The following CFAP221 variants were observed in gnomAD, a reference collection of about 807,000 sequenced individuals.
CFAP221 encodes cilia- and flagella-associated protein 221.
In CFAP221, 97 loss-of-function variants were observed where a neutral mutation model predicts 113.1. The ratio of observed to expected loss-of-function variants is 0.86; its 90% CI spans 0.73 to 1.02. CFAP221 has a LOEUF of 1.02. CFAP221 is among the 50% of genes least tolerant of loss of function. The pLI, the probability that CFAP221 is intolerant of heterozygous loss-of-function variation, is 0.00. For synonymous variants in CFAP221, 331 were observed against 354.4 expected (o/e 0.93, Z 0.74); for missense variants, 1,025 against 1,013.4 (o/e 1.01, Z -0.16).
intron 7 of CFAP221, among the ~76,000 whole-genome samples, chr2:119,595,689 T>A (rs1038773425): frequency 6.6e-6 from 1 of 152,132 alleles, no homozygotes; most frequent in Non-Finnish European, 1.5e-5. Context: ...GGAGCAGAGA[T>A]GCCAGTCGGG....
intron 6 of CFAP221, chr2:119,572,623 A>G (rs2104574025): frequency 1.4e-6 from 1 of 694,100 alleles, no homozygotes; most frequent in East Asian, 2.7e-5. Flanking sequence ...CTCTCCCATC[A>G]ACTCATTTTC....
intron 14 of CFAP221, among the ~76,000 whole-genome samples, chr2:119,623,049 A>G (rs929819197): frequency 1.3e-5 from 2 of 152,248 alleles, no homozygotes; most frequent in Non-Finnish European, 2.9e-5. Context: ...AATAAAGGGT[A>G]TTCAAATAGG....
At chr2:119,572,917 G>A (rs1319108386) in intron 6 of CFAP221, 3 of 273,540 alleles carry the variant, frequency 1.1e-5, no homozygotes, top group Non-Finnish European at 2.0e-5. Context: ...GGATACTTTA[G>A]CTTCTTGAAC....
At position 119,601,500 on chromosome 2, in the gene CFAP221, G is replaced by A. The variant is rs1574100087; in HGVS notation, c.791+123G>A. ...ATCAAAAACTTATTTAAAATGATGA[G>A]CCAACATAAGATATACTGTAAAACA... On this transcript the variant is annotated intron_variant, in intron 8 of 23. Transcript: ENST00000413369. 6 of 906,912 alleles carry A rather than the reference G, an allele frequency of 6.6e-6. No individual in the cohort carries two copies. In the East Asian group the frequency reaches 1.4e-4, roughly 21 times the overall value. The allele number at this position is 906,912 out of a possible 1,614,324, so 56.2% of individuals were successfully genotyped here. A position where few individuals can be genotyped will look rare whatever the true frequency, so the allele number is the denominator to read the frequency against.
At chr2:119,594,580 C>T (rs533264484) in intron 7 of CFAP221, among the ~76,000 whole-genome samples, 11 of 152,210 alleles carry the variant, frequency 7.2e-5, no homozygotes, top group African/African-American at 2.6e-4. Context: ...CTTTCTGTTC[C>T]TCTCCTCCTT....
At chr2:119,638,035 C>T (rs954280206) in intron 19 of CFAP221, 11 of 361,702 alleles carry the variant, frequency 3.0e-5, no homozygotes, top group Non-Finnish European at 4.9e-5. Context: ...TGTAATGAAG[C>T]TCTTAAGCCA....
chr2:119,572,308 C>A (rs1682116369), intron 6 of CFAP221, among the ~76,000 whole-genome samples: 1 of 152,198 alleles, frequency 6.6e-6, no homozygotes, highest in African/African-American at 2.4e-5. Flanking sequence ...ACTTTCAGTT[C>A]TCTTTCCCTT....
At chr2:119,586,230 A>G (rs961734920) in intron 6 of CFAP221, among the ~76,000 whole-genome samples, 21 of 152,292 alleles carry the variant, frequency 1.4e-4, no homozygotes, top group African/African-American at 4.3e-4. Flanking sequence ...TGGCTGGGTC[A>G]CTTGAAAGGA....
intron 14 of CFAP221, among the ~76,000 whole-genome samples, chr2:119,623,668 A>G (rs1686096518): frequency 6.6e-6 from 1 of 152,210 alleles, no homozygotes; most frequent in Non-Finnish European, 1.5e-5. Flanking sequence ...ACCAAAACAC[A>G]TATATAAACC....
intron 11 of CFAP221, among the ~76,000 whole-genome samples, chr2:119,607,473 G>C (rs908926193): frequency 2.0e-5 from 3 of 152,100 alleles, no homozygotes. Context: ...GATATGTGCT[G>C]GGTTTCGTGA....
chr2:119,592,799 C>G (rs1232187210), intron 7 of CFAP221, among the ~76,000 whole-genome samples: 7 of 152,206 alleles, frequency 4.6e-5, no homozygotes. Context: ...ACTTAGTAGA[C>G]CTTGCTGATC....
intron 21 of CFAP221, among the ~76,000 whole-genome samples, chr2:119,643,861 A>G (rs1425400116): frequency 6.6e-6 from 1 of 152,002 alleles, no homozygotes; most frequent in East Asian, 2.0e-4. Flanking sequence ...TTAAAATTAA[A>G]CAAAGCAACA....
intron 3 of CFAP221, among the ~76,000 whole-genome samples, chr2:119,555,060 G>A (rs751226538): frequency 1.3e-5 from 2 of 152,166 alleles, no homozygotes; most frequent in Non-Finnish European, 2.9e-5. Flanking sequence ...AAGCAGCATG[G>A]GATTGGGGGT....
rs566679959 is a variant in CFAP221, at chr2:119,613,194, C to T, written c.1311+1452C>T. On this transcript the variant is annotated intron_variant, in intron 13 of 23. Transcript: ENST00000413369. The stretch of plus-strand genomic sequence containing the variant: ...CTGTGGCTTTGCAGGGTACAGCCTC[C>T]CTCCCAGCTGCTTTCACAGACTGGC... Among the ~76,000 whole-genome samples, 97 of 152,296 alleles carry T rather than the reference C, an allele frequency of 6.4e-4. 1 individual carries two copies. Among genetic ancestry groups the T allele is most frequent in the African/African-American group, 2.2e-3 (91 of 41,536 alleles).
chr2:119,636,807 G>A (rs1687142949), intron 19 of CFAP221, among the ~76,000 whole-genome samples: 1 of 152,166 alleles, frequency 6.6e-6, no homozygotes, highest in African/African-American at 2.4e-5. Flanking sequence ...AAGCATCATG[G>A]GGTGACCACT....
rs562042245 is a variant in CFAP221, at chr2:119,628,747, CAT to C, written c.1650+962_1650+963del. Among the ~76,000 whole-genome samples the C allele has an allele frequency of 2.4e-3, 358 of 152,332 alleles. 1 individual carries two copies. The highest frequency in any genetic ancestry group is 7.3e-3 in the African/African-American group (302 of 41,576). On this transcript the variant is annotated intron_variant, in intron 16 of 23. Coordinates refer to ENST00000413369, the MANE Select transcript of CFAP221 (RefSeq NM_001271049.2). ...TACGGGACTGAATTTAGAAATTCCA[CAT>C]GTTTTCTGCTTTTGATAATTGTGTG...
intron 7 of CFAP221, among the ~76,000 whole-genome samples, chr2:119,589,125 T>C (rs929507513): frequency 6.6e-6 from 1 of 152,210 alleles, no homozygotes; most frequent in African/African-American, 2.4e-5. Flanking sequence ...TCCAAACTGG[T>C]CTCATGGGCT....
At chr2:119,568,530 C>T (rs930033347) in intron 6 of CFAP221, among the ~76,000 whole-genome samples, 5 of 152,124 alleles carry the variant, frequency 3.3e-5, no homozygotes, top group Non-Finnish European at 7.4e-5. Flanking sequence ...GTGTTGTTCC[C>T]CTCCCTGTGT....
At chr2:119,559,594 C>G (rs1043723160) in intron 3 of CFAP221, 95 bp from the exon 4 acceptor site, 5 of 1,050,078 alleles carry the variant, frequency 4.8e-6, no homozygotes, top group Non-Finnish European at 7.0e-6. Flanking sequence ...GATATCTCCT[C>G]AAATTCTTTT....
Sources: allele counts gnomAD v4.1 joint callset (sites outside exome capture counted in the v4.1 genomes callset), GRCh38; gene constraint gnomAD v4.1.1; transcripts MANE v1.5; gene names NCBI Gene and HGNC (gene_info 2026-07-23, HGNC 2026-07-21).